ZFP62: variants seen among roughly 807,000 people sequenced by gnomAD.
ZFP62 encodes the protein ZFP62 zinc finger protein.
Under a neutral mutation model 56.4 loss-of-function variants are expected in ZFP62, and 44 were observed. That is an observed-to-expected ratio of 0.78 (90% CI 0.61 to 1.00). ZFP62 has a LOEUF of 1.00. ZFP62 is among the 50% of genes least tolerant of loss of function. The pLI is 0.00. For missense variants in ZFP62, 1,030 were observed against 1,085.7 expected, an observed-to-expected ratio of 0.95 and a Z score of 0.72; for synonymous variants, 421 against 388.9, an observed-to-expected ratio of 1.08 and a Z score of -0.97.
At chr5:180,834,784 G>T in the ZFP62 span, 3 of 152,246 alleles carry the variant, frequency 2.0e-5, no homozygotes, top group Non-Finnish European at 4.4e-5. Context: ...AGTTTTAGGT[G>T]TCAACTTGAC....
intron 1 of ZFP62, among the ~76,000 whole-genome samples, chr5:180,855,751 A>G (rs1006513662): frequency 2.7e-5 from 4 of 150,232 alleles, no homozygotes; most frequent in African/African-American, 9.8e-5. Context: ...CCCATCCCCC[A>G]CCTCCTTCTT....
downstream of ZFP62, among the ~76,000 whole-genome samples, chr5:180,843,483 GAAAGT>G (rs992263715): frequency 2.0e-5 from 3 of 152,056 alleles, no homozygotes; most frequent in East Asian, 1.9e-4. Flanking sequence ...CAGAAAGCGT[GAAAGT>G]AAAGAAAGAG....
rs1202333246 is a variant in ZFP62, at chr5:180,849,920, C to T, written c.1575G>A (p.Arg525=). The change falls in exon 2 of 2, where the codon AGG becomes AGA. Residue 525 remains arginine (R), a synonymous_variant. Transcript: ENST00000502412. ...NYSSALEQHK[R]IHTREKPFGC... ...CAAAGGGTTTTTCCCTGGTATGAAT[C>T]CTTTTATGCTGTTCAAGGGCAGAGC... is the stretch of plus-strand genomic sequence containing the variant. 3 of 1,551,444 alleles carry T rather than the reference C, an allele frequency of 1.9e-6. No individual in the cohort carries two copies. Among genetic ancestry groups the T allele is most frequent in the African/African-American group, 1.4e-5 (1 of 72,992 alleles).
downstream of ZFP62, chr5:180,845,635 T>G (rs989149683): frequency 5.9e-6 from 5 of 848,500 alleles, no homozygotes; most frequent in Non-Finnish European, 7.1e-6. Context: ...GGCCTTTAGC[T>G]GAAGCTGGAG....
At chr5:180,858,257 CAAAAAAA>C (rs1159409435) in intron 1 of ZFP62, among the ~76,000 whole-genome samples, 1 of 40,270 alleles carries the variant, frequency 2.5e-5, no homozygotes, top group East Asian at 1.1e-3. Flanking sequence ...AACTCTGTCT[CAAAAAAA>C]AAAAAAAAAA....
In ZFP62 at chr5:180,861,239, G is replaced by A. The variant is rs2121117; in HGVS notation, c.-20C>T. 321,959 of 397,856 alleles carry A rather than the reference G, an allele frequency of 0.81. 131,490 individuals carry two copies. The highest frequency in any genetic ancestry group is 0.97 in the East Asian group (27,125 of 28,036). The allele number at this position is 397,856 out of a possible 1,614,324, so 24.6% of individuals were successfully genotyped here. A position where few individuals can be genotyped will look rare whatever the true frequency, so the allele number is the denominator to read the frequency against. ...CGTACTGGCTGTGGCGGCGCCGCGG[G>A]AACCCGGCCGCCAGCGGGACAAAAG... is the stretch of plus-strand genomic sequence containing the variant. On this transcript the variant is annotated 5_prime_UTR_variant, in exon 1 of 2. Transcript: ENST00000502412.
chr5:180,848,791 G>T lies in ZFP62; in HGVS notation c.*1C>A, dbSNP rs182004779. On this transcript the variant is annotated 3_prime_UTR_variant, in exon 2 of 2. Coordinates refer to ENST00000502412, the MANE Select transcript of ZFP62 (RefSeq NM_001172638.2). ...CGGAGAGACTTGGTAAGCTCTGCCT[G>T]CTACAGAGGCATCCTCATCCTGCCC... is the stretch of plus-strand genomic sequence containing the variant. 33 of 1,514,692 alleles carry T rather than the reference G, an allele frequency of 2.2e-5. No homozygotes were observed. The highest frequency in any genetic ancestry group is 6.6e-5 in the Admixed American group (3 of 45,634). The allele number at this position is 1,514,692 out of a possible 1,614,324, so 93.8% of individuals were successfully genotyped here.
Position 180,850,153 on chromosome 5 carries a change from G to A in ZFP62, c.1342C>T (p.Pro448Ser). ...QHRTIHTGER[P>S]YVCDVCGKTF... Reference sequence around the variant, plus strand: ...TTCCCACACACATCACATACATAAGGTCTCTCTCCGGTATGAATAGTTCTG... The same window carrying A: ...TTCCCACACACATCACATACATAAGATCTCTCTCCGGTATGAATAGTTCTG... Residue 448 changes from proline (P) to serine (S), a missense_variant, in exon 2 of 2, where the codon CCT (proline) becomes TCT (serine). Physicochemically the swap from Pro to Ser is moderately conservative, Grantham distance 74 (BLOSUM62 -1). Transcript: ENST00000502412. 4 of 1,551,758 alleles carry A rather than the reference G, an allele frequency of 2.6e-6. No homozygotes were observed. The highest frequency in any genetic ancestry group is 3.5e-6 in the Non-Finnish European group (4 of 1,147,022).
the ZFP62 span, chr5:180,834,848 T>G: frequency 6.6e-5 from 10 of 152,188 alleles, no homozygotes; most frequent in African/African-American, 1.2e-4. Context: ...AGAAGGACCA[T>G]GTTTTTGGAG....
At position 180,849,296 on chromosome 5, in the gene ZFP62, C is replaced by T; in HGVS notation, c.2199G>A (p.Glu733=). 6.4e-7 allele frequency: 1 copy of T among 1,552,608 alleles called. No individual in the cohort carries two copies. The highest frequency in any genetic ancestry group is 8.7e-7 in the Non-Finnish European group (1 of 1,147,368). The part of the protein sequence containing the change: ...HLGEKPFKCV[E]CGKSFSYSSL... Reference sequence around the variant, plus strand: ...AGCTGTAACTGAAAGATTTCCCACACTCAACACACTTGAAGGGTTTCTCCC... The same window carrying T: ...AGCTGTAACTGAAAGATTTCCCACATTCAACACACTTGAAGGGTTTCTCCC... Residue 733 remains glutamate, a synonymous_variant, in exon 2 of 2, where the codon GAG becomes GAA. Transcript: ENST00000502412.
chr5:180,848,343 CTGT>C lies in ZFP62; in HGVS notation c.*446_*448del. On this transcript the variant is annotated 3_prime_UTR_variant, in exon 2 of 2. Coordinates refer to ENST00000502412, the MANE Select transcript of ZFP62 (RefSeq NM_001172638.2). ...TGAAACCTATCCTCCCTGAATTTGC[CTGT>C]TGGAGGCCCTTAGTTTTCCCACTGA... The C allele has an allele frequency of 2.0e-6, 2 of 987,266 alleles. No individual in the cohort carries two copies. The highest frequency in any genetic ancestry group is 2.4e-6 in the Non-Finnish European group (2 of 831,268). The allele number at this position is 987,266 out of a possible 1,614,324, so 61.2% of individuals were successfully genotyped here.
Position 180,850,925 on chromosome 5 carries a change from G to T in ZFP62, c.570C>A (p.Ile190=). The T allele has an allele frequency of 1.3e-6, 2 of 1,562,808 alleles. No individual in the cohort carries two copies. Among genetic ancestry groups the T allele is most frequent in the Non-Finnish European group, 8.7e-7 (1 of 1,153,970 alleles). ...SSSSLRVHKR[I]HTGEKPYKCE... ...ACTTGTACGGCTTCTCCCCAGTGTGGATCCGTTTGTGGACCCGAAGGCTCG... is the reference window on the plus strand; with the variant it reads ...ACTTGTACGGCTTCTCCCCAGTGTGTATCCGTTTGTGGACCCGAAGGCTCG... Residue 190 remains isoleucine (I), a synonymous_variant, in exon 2 of 2, where the codon ATC becomes ATA. Coordinates refer to ENST00000502412, the MANE Select transcript of ZFP62 (RefSeq NM_001172638.2).
the ZFP62 span, among the ~76,000 whole-genome samples, chr5:180,828,611 T>A: frequency 5.4e-4 from 83 of 152,372 alleles, no homozygotes; most frequent in African/African-American, 2.0e-3. Flanking sequence ...AAGCTGAGCA[T>A]GTATGTCACC....
Position 180,849,798 on chromosome 5 carries a change from C to A in ZFP62, c.1697G>T (p.Cys566Phe), listed in dbSNP as rs887779636. 3.2e-6 allele frequency: 5 copies of A among 1,551,924 alleles called. No homozygotes were observed. Among genetic ancestry groups the A allele is most frequent in the Non-Finnish European group, 4.4e-6 (5 of 1,147,102 alleles). The change falls in exon 2 of 2, where the codon TGT (cysteine) becomes TTT (phenylalanine). Residue 566 changes from cysteine (C) to phenylalanine (F), a missense_variant. Cys to Phe is a radical substitution (Grantham distance 205). Transcript: ENST00000502412. ...TGERPYKCEE[C>F]GKAYISLSSL... Reference sequence around the variant, plus strand: ...CGAGAGAGAGATGTATGCTTTCCCACATTCTTCACATTTGTAAGGTCGTTC... The same window carrying A: ...CGAGAGAGAGATGTATGCTTTCCCAAATTCTTCACATTTGTAAGGTCGTTC...
chr5:180,861,146 C>A, intron 1 of ZFP62, 73 bp downstream of exon 1: 1 of 398,916 alleles, frequency 2.5e-6, no homozygotes, highest in East Asian at 3.6e-5. Context: ...GCAGCCAAGA[C>A]CCGGCCAAAA....
At chr5:180,854,333 G>A (rs1004025598) in intron 1 of ZFP62, among the ~76,000 whole-genome samples, 2 of 152,092 alleles carry the variant, frequency 1.3e-5, no homozygotes, top group Non-Finnish European at 2.9e-5. Flanking sequence ...AACCACTGAA[G>A]ATAGGATTTC....
rs143071020 is a variant in ZFP62, at chr5:180,849,345, A to C, written c.2150T>G (p.Ile717Arg). The C allele has an allele frequency of 3.9e-6, 6 of 1,551,008 alleles. No homozygotes were observed. The highest frequency in any genetic ancestry group is 5.2e-6 in the Non-Finnish European group (6 of 1,146,822). Residue 717 changes from isoleucine (I) to arginine (R), a missense_variant, in exon 2 of 2, where the codon ATA (isoleucine) becomes AGA (arginine). Ile to Arg is a moderately conservative substitution (Grantham distance 97). Transcript: ENST00000502412. ...GKAFFSSRTLISHKRVHLGEK... is the reference protein window; with the variant it reads ...GKAFFSSRTLRSHKRVHLGEK... ...CCCAAGATGGACTCTTTTATGGCTT[A>C]TAAGAGTTCTGCTTGAGAAAAAAGC...
the ZFP62 span, among the ~76,000 whole-genome samples, chr5:180,828,799 TC>T: frequency 6.6e-6 from 1 of 152,220 alleles, no homozygotes; most frequent in Admixed American, 6.5e-5. Flanking sequence ...GCCATATTTT[TC>T]TTCTTGCAGA....
chr5:180,849,407 A>G lies in ZFP62; in HGVS notation c.2088T>C (p.Pro696=). The change falls in exon 2 of 2, where the codon CCT becomes CCC. Residue 696 remains proline, a synonymous_variant. Coordinates refer to ENST00000502412, the MANE Select transcript of ZFP62 (RefSeq NM_001172638.2). ...SSLINHKSTH[P]GRTPHTCDEC... The stretch of plus-strand genomic sequence containing the variant: ...CATCACATGTATGGGGTGTCCTGCC[A>G]GGGTGGGTACTCTTATGGTTAATAA... The G allele has an allele frequency of 6.4e-7, 1 of 1,551,228 alleles. No homozygotes were observed. The highest frequency in any genetic ancestry group is 8.7e-7 in the Non-Finnish European group (1 of 1,146,652).
Sources: allele counts gnomAD v4.1 joint callset (sites outside exome capture counted in the v4.1 genomes callset), GRCh38; gene constraint gnomAD v4.1.1; transcripts MANE v1.5; gene names NCBI Gene and HGNC (gene_info 2026-07-23, HGNC 2026-07-21).